The following SEH1L variants were observed in gnomAD, a reference collection of about 807,000 sequenced individuals.
SEH1L encodes the protein SEH1 like nucleoporin.
SEH1L carries 18 observed loss-of-function variants against 49.5 expected under a neutral mutation model. The observed-to-expected ratio is 0.36, with a 90% CI of 0.25 to 0.54. SEH1L has a LOEUF of 0.54. SEH1L is among the 20% of genes least tolerant of loss of function. The pLI is 0.87. For missense variants in SEH1L, 404 were observed against 528.8 expected, an observed-to-expected ratio of 0.76 and a Z score of 2.31; for synonymous variants, 169 against 178.1, an observed-to-expected ratio of 0.95 and a Z score of 0.41.
chr18:12,986,916 T>G lies in SEH1L; in HGVS notation c.1125T>G (p.Tyr375Ter). ...GGGCTGGATCGAGATGGTCCAGTTA[T>G]GCCCAGCTCCTTCCTCCTCCTCCTC... ...SPRAGSRWSSYAQLLPPPPPP... is the reference protein window; with the variant it reads ...SPRAGSRWSS The change falls in exon 9 of 9, where the codon TAT becomes TAG. Residue 375 changes from tyrosine (Y) to a stop codon, truncating the protein, a stop_gained. Transcript: ENST00000399892. LOFTEE classifies it high-confidence loss of function. The G allele has an allele frequency of 6.2e-7, 1 of 1,613,488 alleles. No individual in the cohort carries two copies. The highest frequency in any genetic ancestry group is 8.5e-7 in the Non-Finnish European group (1 of 1,179,612).
chr18:12,955,694 T>C, intron 3 of SEH1L, 85 bp downstream of exon 3: 2 of 1,367,220 alleles, frequency 1.5e-6, no homozygotes, highest in African/African-American at 2.9e-5. Flanking sequence ...AGATAATTGG[T>C]AAAATATCAC....
At chr18:12,957,504 T>C (rs1235212353) in intron 3 of SEH1L, among the ~76,000 whole-genome samples, 1 of 152,270 alleles carries the variant, frequency 6.6e-6, no homozygotes, top group Non-Finnish European at 1.5e-5. Flanking sequence ...TGTTTGAATT[T>C]GGGCAAGAAC....
chr18:12,948,081 C>T lies in SEH1L; in HGVS notation c.-41C>T, dbSNP rs780038355. ...GGGCCACGCGCCGCCGCCGCTGCCG[C>T]CGCCACTGTCCTCTTCGGAGGCGCG... On this transcript the variant is annotated 5_prime_UTR_variant, in exon 1 of 9. Transcript: ENST00000399892. The T allele has an allele frequency of 5.3e-6, 8 of 1,513,810 alleles. No homozygotes were observed. In the South Asian group the frequency reaches 6.8e-5, roughly 13 times the overall value. The allele number at this position is 1,513,810 out of a possible 1,614,324, so 93.8% of individuals were successfully genotyped here.
chr18:12,981,995 G>C (rs2032289455), intron 6 of SEH1L, among the ~76,000 whole-genome samples: 1 of 151,664 alleles, frequency 6.6e-6, no homozygotes, highest in African/African-American at 2.4e-5. Context: ...GAGTAGCTGG[G>C]ACTACAGGCG....
chr18:12,948,504 C>G, intron 1 of SEH1L: 2 of 284,006 alleles, frequency 7.0e-6, no homozygotes, highest in Non-Finnish European at 1.3e-5. Context: ...TCCCAGGCCG[C>G]GCTGCCGGGG....
chr18:12,948,115 G>A lies in SEH1L; in HGVS notation c.-7G>A. The A allele has an allele frequency of 1.2e-6, 2 of 1,608,482 alleles. No homozygotes were observed. The highest frequency in any genetic ancestry group is 1.1e-5 in the South Asian group (1 of 90,798). ...TCCTCTTCGGAGGCGCGGGCCCGAC[G>A]GAAACCATGTTTGTGGCTCGCAGCA... On this transcript the variant is annotated 5_prime_UTR_variant, in exon 1 of 9. Transcript: ENST00000399892.
At chr18:12,975,792 C>T (rs1342898326) in intron 5 of SEH1L, 1 of 986,338 alleles carries the variant, frequency 1.0e-6, no homozygotes, top group African/African-American at 1.7e-5. Flanking sequence ...AATGCAGTAG[C>T]CCACTATGAT....
At chr18:12,952,434 T>C (rs1191823700) in intron 2 of SEH1L, among the ~76,000 whole-genome samples, 1 of 152,116 alleles carries the variant, frequency 6.6e-6, no homozygotes, top group African/African-American at 2.4e-5. Flanking sequence ...GGTTTCGCCA[T>C]GTTGGCCAGG....
intron 6 of SEH1L, among the ~76,000 whole-genome samples, chr18:12,980,843 C>T (rs112317407): frequency 0.4 from 51,660 of 130,154 alleles, 10,948 homozygotes; most frequent in Middle Eastern, 0.47. Context: ...ACTTCCCTTC[C>T]GGACGGGGCG....
At chr18:12,981,823 C>T (rs978506162) in intron 6 of SEH1L, among the ~76,000 whole-genome samples, 3 of 118,116 alleles carry the variant, frequency 2.5e-5, no homozygotes, top group Non-Finnish European at 5.4e-5. Flanking sequence ...TCCATTCTTT[C>T]ATTCTTTCCT....
intron 4 of SEH1L, among the ~76,000 whole-genome samples, chr18:12,964,144 A>G (rs796154235): frequency 5.2e-4 from 79 of 152,364 alleles, no homozygotes; most frequent in African/African-American, 1.9e-3. Context: ...GCATGACTAT[A>G]TGAATATTAC....
intron 6 of SEH1L, among the ~76,000 whole-genome samples, chr18:12,980,244 C>G (rs534595550): frequency 7.4e-6 from 1 of 135,234 alleles, no homozygotes; most frequent in African/African-American, 3.0e-5. Context: ...GACGGGGCGG[C>G]TGGCCCCCCC....
chr18:12,952,570 T>C (rs2030607132), intron 2 of SEH1L, among the ~76,000 whole-genome samples: 1 of 152,168 alleles, frequency 6.6e-6, no homozygotes, highest in African/African-American at 2.4e-5. Flanking sequence ...CCATTTTAAA[T>C]GTACAGTTCA....
Position 12,981,278 on chromosome 18 carries a change from C to T in SEH1L, c.762-1240C>T, listed in dbSNP as rs938418670. 3.2e-4 allele frequency among the ~76,000 whole-genome samples: 49 copies of T among 151,686 alleles called. 1 individual carries two copies. The South Asian group carries it at 9.0e-3, about 28-fold the overall frequency. ...CAGACGATGGGTGGCCAGGCAGAGA[C>T]GCTCCTCACTTCCCAGACGGGGTGG... On this transcript the variant is annotated intron_variant, in intron 6 of 8. Coordinates refer to ENST00000399892, the MANE Select transcript of SEH1L (RefSeq NM_001013437.2).
intron 1 of SEH1L, among the ~76,000 whole-genome samples, chr18:12,949,471 G>C (rs1194649309): frequency 9.4e-4 from 4 of 4,256 alleles, no homozygotes; most frequent in Non-Finnish European, 1.9e-3. Context: ...TTTTTTTTTT[G>C]AGACGGAGTC....
At chr18:12,975,480 C>G (rs1334041446) in intron 5 of SEH1L, among the ~76,000 whole-genome samples, 1 of 151,828 alleles carries the variant, frequency 6.6e-6, no homozygotes, top group African/African-American at 2.4e-5. Context: ...GAAGTTTCAG[C>G]TGATGATGTT....
In SEH1L at chr18:12,979,074, TTC is replaced by T. The variant is rs1352742114; in HGVS notation, c.761+184_761+185del. On this transcript the variant is annotated intron_variant, in intron 6 of 8. Transcript: ENST00000399892. ...GTCTTTTACAGTTACTTTTTTTTCT[TTC>T]TTTTTTTTTTTATTGATCATTCTTG... 1.6e-3 allele frequency among the ~76,000 whole-genome samples: 205 copies of T among 131,414 alleles called. No individual in the cohort carries two copies. In the Middle Eastern group the frequency reaches 0.028, roughly 18 times the overall value. 86.2% of individuals were successfully genotyped at this position (131,414 alleles called of 152,430 possible). A position where few individuals can be genotyped will look rare whatever the true frequency, so the allele number is the denominator to read the frequency against.
At chr18:12,948,387 C>T in intron 1 of SEH1L, 155 bp downstream of exon 1, 1 of 555,464 alleles carries the variant, frequency 1.8e-6, no homozygotes. Flanking sequence ...GAAGCCCTCC[C>T]CGCCCGCGTA....
At chr18:12,954,354 C>A (rs2030727250) in intron 2 of SEH1L, among the ~76,000 whole-genome samples, 1 of 152,236 alleles carries the variant, frequency 6.6e-6, no homozygotes, top group Non-Finnish European at 1.5e-5. Flanking sequence ...AGGATTTGGG[C>A]TTCCCCATAT....
Sources: allele counts gnomAD v4.1 joint callset (sites outside exome capture counted in the v4.1 genomes callset), GRCh38; gene constraint gnomAD v4.1.1; transcripts MANE v1.5; gene names NCBI Gene and HGNC (gene_info 2026-07-23, HGNC 2026-07-21).